Variants in NT5DC3 observed in about 807,000 individuals in gnomAD.
The protein encoded by NT5DC3 is 5'-nucleotidase domain containing 3.
NT5DC3 carries 42 observed loss-of-function variants against 67.8 expected under a neutral mutation model. The ratio of observed to expected loss-of-function variants is 0.62; its 90% CI spans 0.48 to 0.80. The LOEUF (loss-of-function observed/expected upper bound fraction) is 0.80. Ranked by LOEUF, NT5DC3 falls within the 30% of genes least tolerant of loss-of-function variation. The probability of loss-of-function intolerance (pLI) is 0.00; values close to 1 mark genes in which losing one functional copy is unlikely to be tolerated. For synonymous variants in NT5DC3, 237 were observed against 255.6 expected (o/e 0.93, Z 0.69); for missense variants, 570 against 696.4 (o/e 0.82, Z 2.04).
At chr12:103,808,735 G>C (rs1886905971) in intron 2 of NT5DC3, among the ~76,000 whole-genome samples, 1 of 152,188 alleles carries the variant, frequency 6.6e-6, no homozygotes, top group African/African-American at 2.4e-5. Flanking sequence ...CCCAACGCTT[G>C]GCACCCTGGA....
intron 9 of NT5DC3, 43 bp downstream of exon 9, chr12:103,793,121 G>A (rs199576791): frequency 3.0e-5 from 40 of 1,312,164 alleles, no homozygotes; most frequent in Non-Finnish European, 4.1e-5. Context: ...ATTCACAGCA[G>A]CAAAGGAATA....
chr12:103,799,262 G>A (rs1002339786), intron 4 of NT5DC3, among the ~76,000 whole-genome samples: 8 of 152,062 alleles, frequency 5.3e-5, no homozygotes, highest in African/African-American at 1.7e-4. Context: ...CCTGAGATAG[G>A]GGCTGACTTG....
At chr12:103,751,363 C>T in the NT5DC3 span, among the ~76,000 whole-genome samples, 17 of 152,204 alleles carry the variant, frequency 1.1e-4, no homozygotes, top group South Asian at 6.2e-4. Context: ...CCCCTAGTGG[C>T]AGGGTCTGTA....
At chr12:103,758,448 T>A in the NT5DC3 span, among the ~76,000 whole-genome samples, 1 of 151,816 alleles carries the variant, frequency 6.6e-6, no homozygotes, top group African/African-American at 2.4e-5. Context: ...CTTGGCACAC[T>A]CGGGTCTGAG....
At chr12:103,801,617 G>A (rs1018050562) in intron 4 of NT5DC3, among the ~76,000 whole-genome samples, 2 of 151,882 alleles carry the variant, frequency 1.3e-5, no homozygotes, top group Admixed American at 6.6e-5. Flanking sequence ...TCCTGACCTC[G>A]TGATCTACCT....
chr12:103,748,914 A>C, the NT5DC3 span: 1 of 1,574,438 alleles, frequency 6.4e-7, no homozygotes, highest in African/African-American at 1.3e-5. Context: ...CTGAAGCCCT[A>C]GTTCCACAGA....
At chr12:103,799,485 A>G (rs1483305360) in intron 4 of NT5DC3, among the ~76,000 whole-genome samples, 2 of 152,182 alleles carry the variant, frequency 1.3e-5, no homozygotes, top group African/African-American at 4.8e-5. Flanking sequence ...GCCACCATGT[A>G]AAGCATGCCT....
At chr12:103,831,278 T>A (rs559999996) in intron 1 of NT5DC3, among the ~76,000 whole-genome samples, 2 of 152,312 alleles carry the variant, frequency 1.3e-5, no homozygotes, top group Admixed American at 6.5e-5. Context: ...TTCTCTCTCC[T>A]GATGCCCTGT....
At chr12:103,826,116 T>C (rs976249186) in intron 1 of NT5DC3, among the ~76,000 whole-genome samples, 1 of 152,202 alleles carries the variant, frequency 6.6e-6, no homozygotes. Context: ...TATTCATTCA[T>C]TCAACAAATA....
the NT5DC3 span, chr12:103,749,067 G>T: frequency 6.2e-7 from 1 of 1,614,156 alleles, no homozygotes; most frequent in Non-Finnish European, 8.5e-7. Flanking sequence ...ATACAAAGGG[G>T]ACGGGCACAG....
intron 1 of NT5DC3, among the ~76,000 whole-genome samples, chr12:103,836,861 G>A (rs1888169613): frequency 6.6e-6 from 1 of 152,134 alleles, no homozygotes; most frequent in African/African-American, 2.4e-5. Context: ...TGTGGCTTCT[G>A]CAGGTGCAAG....
chr12:103,782,804 T>C (rs548306487), intron 12 of NT5DC3, among the ~76,000 whole-genome samples: 1 of 152,308 alleles, frequency 6.6e-6, no homozygotes, highest in South Asian at 2.1e-4. Context: ...CTGGCTAACA[T>C]GGTGAAACCC....
chr12:103,749,032 A>C, the NT5DC3 span: 25 of 1,614,002 alleles, frequency 1.5e-5, no homozygotes, highest in Non-Finnish European at 2.0e-5. Context: ...AAGGGCACGA[A>C]GGTCTCCTGC....
intron 2 of NT5DC3, among the ~76,000 whole-genome samples, chr12:103,809,064 C>T (rs1438515894): frequency 6.6e-6 from 1 of 152,176 alleles, no homozygotes; most frequent in African/African-American, 2.4e-5. Flanking sequence ...TATTTGAACC[C>T]AGGTCTGTGT....
chr12:103,835,828 T>C (rs1888120833), intron 1 of NT5DC3, among the ~76,000 whole-genome samples: 1 of 152,146 alleles, frequency 6.6e-6, no homozygotes, highest in African/African-American at 2.4e-5. Context: ...ATCAGTCCAT[T>C]TTCACGCTGC....
At chr12:103,749,578 C>T in the NT5DC3 span, among the ~76,000 whole-genome samples, 1 of 151,586 alleles carries the variant, frequency 6.6e-6, no homozygotes, top group African/African-American at 2.4e-5. Context: ...GCCTGTAATC[C>T]CAGTACTTTG....
At chr12:103,839,160 ACT>A (rs1370992166) in intron 1 of NT5DC3, among the ~76,000 whole-genome samples, 1 of 152,238 alleles carries the variant, frequency 6.6e-6, no homozygotes, top group Non-Finnish European at 1.5e-5. Context: ...ATCAATATAT[ACT>A]GTTGTGATAA....
At chr12:103,803,859 A>ACC (rs10652483) in intron 4 of NT5DC3, among the ~76,000 whole-genome samples, 18,816 of 136,824 alleles carry the variant, frequency 0.14, 1,172 homozygotes, top group Middle Eastern at 0.21. Flanking sequence ...ATTCATTACC[A>ACC]CCCCCCCCCC....
At chr12:103,797,091 C>A in intron 5 of NT5DC3, 60 bp from the exon 6 acceptor site, 1 of 1,587,694 alleles carries the variant, frequency 6.3e-7, no homozygotes, top group Admixed American at 1.7e-5. Flanking sequence ...GACAGAGCCA[C>A]GAAGCACCAG....
Sources: allele counts gnomAD v4.1 joint callset (sites outside exome capture counted in the v4.1 genomes callset), GRCh38; gene constraint gnomAD v4.1.1; transcripts MANE v1.5; gene names NCBI Gene and HGNC (gene_info 2026-07-23, HGNC 2026-07-21).